Variants in PCNX2 observed in about 807,000 individuals in gnomAD.
PCNX2 encodes pecanex 2.
A neutral mutation model predicts 223.8 loss-of-function variants in PCNX2; 168 were observed. The ratio of observed to expected loss-of-function variants is 0.75; its 90% CI spans 0.66 to 0.85. The LOEUF (loss-of-function observed/expected upper bound fraction) is 0.85, where lower values mean the gene tolerates loss of function less well. Ranked by LOEUF, PCNX2 falls within the 40% of genes least tolerant of loss-of-function variation. The probability of loss-of-function intolerance (pLI) is 0.00; values close to 1 mark genes in which losing one functional copy is unlikely to be tolerated. For missense variants in PCNX2, 2,507 were observed against 2,675.5 expected (o/e 0.94, Z 1.39); for synonymous variants, 1,006 against 1,052.6 (o/e 0.96, Z 0.86).
Position 233,208,666 on chromosome 1 carries a change from A to C in PCNX2, c.2715T>G (p.Tyr905Ter). 6.2e-7 allele frequency: 1 copy of C among 1,613,818 alleles called. No individual in the cohort carries two copies. Among genetic ancestry groups the C allele is most frequent in the Non-Finnish European group, 8.5e-7 (1 of 1,179,814 alleles). ...PIHGHNQIITYSRPIYFCVLC... is the reference protein window; with the variant it reads ...PIHGHNQIIT ...GCACACAAAAATAGATTGGTCTGCT[A>C]TATGTTATGATTTGGTTGTGTCCCT... The change falls in exon 13 of 34, where the codon TAT becomes TAG. Residue 905 changes from tyrosine (Y) to a stop codon, truncating the protein, a stop_gained. Coordinates refer to ENST00000258229, the MANE Select transcript of PCNX2 (RefSeq NM_014801.4). LOFTEE classifies it high-confidence loss of function.
At chr1:233,251,123 T>C (rs1414852841) in intron 7 of PCNX2, among the ~76,000 whole-genome samples, 1 of 152,220 alleles carries the variant, frequency 6.6e-6, no homozygotes, top group Non-Finnish European at 1.5e-5. Context: ...GATAGACTTA[T>C]TTGTATCATC....
At chr1:233,194,834 G>A (rs1680629453) in intron 15 of PCNX2, among the ~76,000 whole-genome samples, 1 of 151,994 alleles carries the variant, frequency 6.6e-6, no homozygotes, top group South Asian at 2.1e-4. Flanking sequence ...AGCTAACATG[G>A]TGAAACCCCA....
intron 26 of PCNX2, among the ~76,000 whole-genome samples, chr1:233,023,065 A>G (rs919652271): frequency 2.6e-5 from 4 of 152,022 alleles, no homozygotes; most frequent in African/African-American, 9.7e-5. Flanking sequence ...GGCTGTCTAG[A>G]CCCACACTGC....
At position 233,162,323 on chromosome 1, in the gene PCNX2, T is replaced by G. The variant is rs554082149; in HGVS notation, c.3274-960A>C. ...TATTGATCATTTGAAGGTATCACAC[T>G]GTTACCTGAAAAGTCTGAAATCTTC... On this transcript the variant is annotated intron_variant, in intron 17 of 33. Transcript: ENST00000258229. Among the ~76,000 whole-genome samples, 3 of 152,312 alleles carry G rather than the reference T, an allele frequency of 2.0e-5. No individual in the cohort carries two copies. The East Asian group carries it at 5.8e-4, about 29-fold the overall frequency.
At chr1:233,043,905 T>G (rs983962934) in intron 25 of PCNX2, among the ~76,000 whole-genome samples, 2 of 151,688 alleles carry the variant, frequency 1.3e-5, no homozygotes, top group Admixed American at 1.3e-4. Flanking sequence ...TGATTTATAG[T>G]CCTTTGGGTA....
At chr1:233,309,963 C>T in the PCNX2 span, among the ~76,000 whole-genome samples, 1 of 152,060 alleles carries the variant, frequency 6.6e-6, no homozygotes, top group Non-Finnish European at 1.5e-5. Context: ...CCTTTTTCTG[C>T]CCATTACACA....
At chr1:233,246,998 T>C (rs73111121) in intron 8 of PCNX2, among the ~76,000 whole-genome samples, 9,514 of 152,286 alleles carry the variant, frequency 0.062, 885 homozygotes, top group African/African-American at 0.2. Context: ...CCAAAGAACT[T>C]AGCCCCCCAT....
chr1:233,074,355 G>C (rs1672991429), intron 23 of PCNX2, among the ~76,000 whole-genome samples: 1 of 152,136 alleles, frequency 6.6e-6, no homozygotes, highest in South Asian at 2.1e-4. Context: ...AGCACTTTGG[G>C]AGGCCGAGGC....
Position 233,160,324 on chromosome 1 carries a change from G to A in PCNX2, c.3476C>T (p.Pro1159Leu), listed in dbSNP as rs1171153765. The A allele has an allele frequency of 1.9e-6, 3 of 1,613,634 alleles. No individual in the cohort carries two copies. The highest frequency in any genetic ancestry group is 1.7e-6 in the Non-Finnish European group (2 of 1,179,732). The change falls in exon 19 of 34, where the codon CCC becomes CTC. Residue 1159 changes from proline to leucine, a missense_variant. Pro to Leu is a moderately conservative substitution (Grantham distance 98). This residue lies in a region of PCNX2 where 1,372 missense variants were observed against 1,509.4 expected (regional missense o/e 0.91). Transcript: ENST00000258229. ...KHHPWMWISH[P>L]ILKNKEYHQR... is the part of the protein sequence containing the mutation. ...ATGATACTCTTTGTTTTTGAGAATG[G>A]GGTGTGAAATCCACATCCAGGGATG...
intron 25 of PCNX2, among the ~76,000 whole-genome samples, chr1:233,034,041 A>G (rs1671360140): frequency 6.6e-6 from 1 of 152,014 alleles, no homozygotes; most frequent in Non-Finnish European, 1.5e-5. Context: ...GTGAAACTCC[A>G]TCTCTACTAA....
intron 19 of PCNX2, among the ~76,000 whole-genome samples, chr1:233,153,692 G>A (rs1429691597): frequency 6.6e-6 from 1 of 152,168 alleles, no homozygotes; most frequent in Non-Finnish European, 1.5e-5. Flanking sequence ...ACACGCACAT[G>A]ATCATTATTT....
At chr1:233,152,434 G>A (rs536829379) in intron 19 of PCNX2, among the ~76,000 whole-genome samples, 5 of 152,196 alleles carry the variant, frequency 3.3e-5, no homozygotes, top group African/African-American at 1.2e-4. Flanking sequence ...GGAAAAAGGC[G>A]AGGTAAGGAA....
chr1:233,127,333 C>T (rs1174587613), intron 21 of PCNX2, among the ~76,000 whole-genome samples: 5 of 152,070 alleles, frequency 3.3e-5, no homozygotes, highest in African/African-American at 4.8e-5. Context: ...TCACGGTTTC[C>T]GGAATGTGCC....
At chr1:233,013,186 C>T (rs2102814765) in intron 28 of PCNX2, among the ~76,000 whole-genome samples, 1 of 152,300 alleles carries the variant, frequency 6.6e-6, no homozygotes, top group East Asian at 1.9e-4. Flanking sequence ...TAACATGAGA[C>T]TTTAAGGGTC....
At chr1:233,065,630 T>C (rs2102892441) in intron 23 of PCNX2, 1 of 152,158 alleles carries the variant, frequency 6.6e-6, no homozygotes, top group Middle Eastern at 3.4e-3. Context: ...GTTTCTCTGT[T>C]TTTATTTTTG....
In PCNX2 at chr1:233,193,308, T is replaced by C. The variant is rs146045938; in HGVS notation, c.3066+5631A>G. On this transcript the variant is annotated intron_variant, in intron 15 of 33. Transcript: ENST00000258229. The stretch of plus-strand genomic sequence containing the variant: ...GCCAAAAGTTAAAGTCTGTGAAAAA[T>C]TAAATCATATTATGTGAACAGAATC... 9.6e-3 allele frequency among the ~76,000 whole-genome samples: 1,459 copies of C among 151,862 alleles called. 12 individuals are homozygous for C. The highest frequency in any genetic ancestry group is 0.016 in the Non-Finnish European group (1,092 of 67,898).
chr1:233,059,684 T>C (rs774899223), intron 23 of PCNX2, among the ~76,000 whole-genome samples: 2 of 152,228 alleles, frequency 1.3e-5, no homozygotes, highest in Non-Finnish European at 2.9e-5. Flanking sequence ...GAATAAATTA[T>C]TGAATGGTCA....
intron 19 of PCNX2, among the ~76,000 whole-genome samples, chr1:233,141,942 A>G (rs975822396): frequency 3.9e-5 from 6 of 152,132 alleles, no homozygotes; most frequent in Non-Finnish European, 5.9e-5. Context: ...TCCAACAATG[A>G]GCTTAATAAA....
rs529604137 is a variant in PCNX2, at chr1:233,221,117, A to G, written c.2505-2933T>C. Reference sequence around the variant, plus strand: ...TGCAGCTGATATATTACAGAATAATAGAATAGGGTAGAAAGATAACATAGA... The same window carrying G: ...TGCAGCTGATATATTACAGAATAATGGAATAGGGTAGAAAGATAACATAGA... On this transcript the variant is annotated intron_variant, in intron 10 of 33. Transcript: ENST00000258229. Among the ~76,000 whole-genome samples, 15 of 152,336 alleles carry G rather than the reference A, an allele frequency of 9.8e-5. No homozygotes were observed. The South Asian group carries it at 3.1e-3, about 32-fold the overall frequency.
Sources: gnomAD v4.1 joint callset for allele counts (sites outside exome capture counted in the v4.1 genomes callset) on GRCh38, gnomAD v4.1.1 for gene constraint, gnomAD v4.1.1 regional missense constraint, MANE v1.5 for transcripts, NCBI Gene and HGNC (gene_info 2026-07-23, HGNC 2026-07-21) for gene names.